The following RPS8 variants were observed in gnomAD, a reference collection of about 807,000 sequenced individuals.
The protein encoded by RPS8 is ribosomal protein S8, also known as small ribosomal subunit protein eS8.
For missense variants in RPS8, 141 were observed against 269.7 expected (o/e 0.52, Z 3.34); for synonymous variants, 100 against 100.7 (o/e 0.99, Z 0.04).
rs12120833 is a variant in RPS8, at chr1:44,775,613, C to G, written c.4+13C>G. The G allele has an allele frequency of 0.13, 206,752 of 1,613,770 alleles. 14,539 individuals are homozygous for G. The highest frequency in any genetic ancestry group is 0.15 in the Non-Finnish European group (171,847 of 1,179,690). ...CGCCGAGCGATGGGTGAGTGTCGCTCTGCATTGAGGCGGGTGAAGGGAGGT... is the reference window on the plus strand; with the variant it reads ...CGCCGAGCGATGGGTGAGTGTCGCTGTGCATTGAGGCGGGTGAAGGGAGGT... On this transcript the variant is annotated intron_variant, in intron 1 of 5. Coordinates refer to ENST00000396651, the MANE Select transcript of RPS8 (RefSeq NM_001012.2).
chr1:44,777,971 G>A, intron 4 of RPS8, 29 bp from the exon 5 acceptor site: 2 of 1,613,244 alleles, frequency 1.2e-6, no homozygotes, highest in Non-Finnish European at 1.7e-6. Flanking sequence ...TTCCTTCCCT[G>A]AGCTCATATA....
intron 1 of RPS8, 32 bp from the exon 2 acceptor site, chr1:44,776,002 G>C: frequency 6.2e-7 from 1 of 1,602,858 alleles, no homozygotes; most frequent in Non-Finnish European, 8.5e-7. Context: ...AGTCACAGTG[G>C]CTCAAGCTTC....
In RPS8 at chr1:44,775,575, T is replaced by G; in HGVS notation, c.-22T>G. 6.2e-7 allele frequency: 1 copy of G among 1,614,152 alleles called. No homozygotes were observed. The highest frequency in any genetic ancestry group is 8.5e-7 in the Non-Finnish European group (1 of 1,179,976). Reference sequence around the variant, plus strand: ...CCGAACCGTGAATCTTTGCGGTTTCTCTTTCCAGCCAGCGCCGAGCGATGG... The same window carrying G: ...CCGAACCGTGAATCTTTGCGGTTTCGCTTTCCAGCCAGCGCCGAGCGATGG... On this transcript the variant is annotated 5_prime_UTR_variant, in exon 1 of 6. Coordinates refer to ENST00000396651, the MANE Select transcript of RPS8 (RefSeq NM_001012.2).
chr1:44,775,860 C>G (rs780618408), intron 1 of RPS8, 174 bp from the exon 2 acceptor site: 14 of 819,058 alleles, frequency 1.7e-5, no homozygotes, highest in Non-Finnish European at 3.0e-5. Flanking sequence ...CCGGCCTGGC[C>G]GCACGTGTAT....
In RPS8 at chr1:44,778,710, T is replaced by C. The variant is rs1234335245; in HGVS notation, c.*25T>C. On this transcript the variant is annotated 3_prime_UTR_variant, in exon 6 of 6. Transcript: ENST00000396651. ...AATCCTTGTTTTGTCTTCACCCATG[T>C]AATAAAGGTGTTTATTGTTTTGTTC... 6.9e-7 allele frequency: 1 copy of C among 1,455,818 alleles called. No homozygotes were observed. The highest frequency in any genetic ancestry group is 1.2e-5 in the South Asian group (1 of 84,138). The allele number at this position is 1,455,818 out of a possible 1,614,324, so 90.2% of individuals were successfully genotyped here.
chr1:44,777,805 C>T lies in RPS8; in HGVS notation c.387+16C>T, dbSNP rs1650911147. 2 of 1,613,722 alleles carry T rather than the reference C, an allele frequency of 1.2e-6. No individual in the cohort carries two copies. Among genetic ancestry groups the T allele is most frequent in the African/African-American group, 2.7e-5 (2 of 74,930 alleles). On this transcript the variant is annotated intron_variant, in intron 4 of 5. Transcript: ENST00000396651. ...AGCCAAGCTGGTGCGTGTTACTTCC[C>T]TGTAGGGGTTGTGGGGAGGGCAGCC... is the stretch of plus-strand genomic sequence containing the variant.
At chr1:44,775,634 G>A in intron 1 of RPS8, 34 bp downstream of exon 1, 1 of 1,613,934 alleles carries the variant, frequency 6.2e-7, no homozygotes, top group Non-Finnish European at 8.5e-7. Context: ...CGGGTGAAGG[G>A]AGGTTGAGCT....
intron 3 of RPS8, 26 bp downstream of exon 3, chr1:44,776,800 T>G: frequency 6.5e-7 from 1 of 1,533,932 alleles, no homozygotes; most frequent in Non-Finnish European, 8.9e-7. Context: ...TGGGAGTGGG[T>G]GGGAAAACGC....
In RPS8 at chr1:44,775,582, AG is replaced by A; in HGVS notation, c.-14del. On this transcript the variant is annotated 5_prime_UTR_variant, in exon 1 of 6. Transcript: ENST00000396651. ...GTGAATCTTTGCGGTTTCTCTTTCC[AG>A]CCAGCGCCGAGCGATGGGTGAGTGT... The A allele has an allele frequency of 6.2e-7, 1 of 1,614,110 alleles. No individual in the cohort carries two copies. Among genetic ancestry groups the A allele is most frequent in the African/African-American group, 1.3e-5 (1 of 75,026 alleles).
rs561947281 is a variant in RPS8, at chr1:44,776,432, G to GT, written c.112-235dup. On this transcript the variant is annotated intron_variant, in intron 2 of 5. Coordinates refer to ENST00000396651, the MANE Select transcript of RPS8 (RefSeq NM_001012.2). ...GCGTCATAGTCAGAAGCCTAGTCTT[G>GT]TTTTTTTTACAGAGGCTTAATTTTC... The GT allele has an allele frequency of 6.4e-4, 474 of 745,872 alleles. 1 individual carries two copies. The highest frequency in any genetic ancestry group is 6.7e-4 in the East Asian group (27 of 40,102). 46.2% of individuals were successfully genotyped at this position (745,872 alleles called of 1,614,324 possible). A position where few individuals can be genotyped will look rare whatever the true frequency, so the allele number is the denominator to read the frequency against.
chr1:44,778,172 G>T, intron 5 of RPS8, 43 bp downstream of exon 5: 1 of 1,587,674 alleles, frequency 6.3e-7, no homozygotes, highest in South Asian at 1.1e-5. Flanking sequence ...CGCAGAGATT[G>T]AGTGTGCCGA....
Position 44,778,612 on chromosome 1 carries a change from C to T in RPS8, c.554C>T (p.Ala185Val). 6.2e-7 allele frequency: 1 copy of T among 1,613,910 alleles called. No homozygotes were observed. Among genetic ancestry groups the T allele is most frequent in the Middle Eastern group, 1.7e-4 (1 of 5,934 alleles). ...IASRPGQCGR[A>V]DGYVLEGKEL... Reference sequence around the variant, plus strand: ...TCAAGGCCGGGACAGTGTGGCCGAGCAGATGGCTATGTGCTAGAGGGCAAA... The same window carrying T: ...TCAAGGCCGGGACAGTGTGGCCGAGTAGATGGCTATGTGCTAGAGGGCAAA... Residue 185 changes from alanine to valine, a missense_variant, in exon 6 of 6, where the codon GCA becomes GTA. Physicochemically the swap from Ala to Val is moderately conservative, Grantham distance 64. Coordinates refer to ENST00000396651, the MANE Select transcript of RPS8 (RefSeq NM_001012.2).
intron 3 of RPS8, chr1:44,777,041 G>A (rs750275109): frequency 5.6e-6 from 2 of 360,298 alleles, no homozygotes; most frequent in Non-Finnish European, 1.0e-5. Flanking sequence ...AGATCTTAAG[G>A]TAGCTGGGGA....
chr1:44,775,965 C>T, intron 1 of RPS8, 69 bp from the exon 2 acceptor site: 1 of 1,479,634 alleles, frequency 6.8e-7, no homozygotes, highest in Non-Finnish European at 9.5e-7. Flanking sequence ...GCGGGGGTCT[C>T]CGGGAGCTGG....
intron 1 of RPS8, 73 bp from the exon 2 acceptor site, chr1:44,775,961 G>A (rs746729139): frequency 1.4e-6 from 2 of 1,413,652 alleles, no homozygotes; most frequent in South Asian, 1.1e-5. Flanking sequence ...CGGCGCGGGG[G>A]TCTCCGGGAG....
chr1:44,776,588 C>A, intron 2 of RPS8, 87 bp from the exon 3 acceptor site: 1 of 1,084,950 alleles, frequency 9.2e-7, no homozygotes, highest in Non-Finnish European at 1.4e-6. Context: ...GTTACACTGA[C>A]TGTTGCCTCC....
At position 44,776,792 on chromosome 1, in the gene RPS8, G is replaced by A. The variant is rs745944753; in HGVS notation, c.211+18G>A. The A allele has an allele frequency of 1.0e-5, 16 of 1,559,898 alleles. No homozygotes were observed. Among genetic ancestry groups the A allele is most frequent in the Non-Finnish European group, 1.1e-5 (13 of 1,145,634 alleles). On this transcript the variant is annotated intron_variant, in intron 3 of 5. Transcript: ENST00000396651. ...CTCAGAGTGTGAGTGAGGCCCTTTG[G>A]GAGTGGGTGGGAAAACGCACCTAAA...
At chr1:44,777,856 ACT>A (rs778609309) in intron 4 of RPS8, 67 bp downstream of exon 4, 28 of 1,587,114 alleles carry the variant, frequency 1.8e-5, no homozygotes, top group Non-Finnish European at 2.2e-5. Flanking sequence ...CGTGATGAAA[ACT>A]CTGTCCAGTT....
intron 3 of RPS8, 38 bp from the exon 4 acceptor site, chr1:44,777,576 C>G: frequency 6.4e-7 from 1 of 1,572,278 alleles, no homozygotes; most frequent in East Asian, 2.2e-5. Context: ...GCCATTTGTC[C>G]TCCAGTTTAC....
Sources: allele counts gnomAD v4.1 joint callset, GRCh38; gene constraint gnomAD v4.1.1; transcripts MANE v1.5; gene names NCBI Gene and HGNC (gene_info 2026-07-23, HGNC 2026-07-21).